Variants in POLQ observed in about 807,000 individuals in gnomAD.
The protein encoded by POLQ is epididymis secretory sperm binding protein.
A neutral mutation model predicts 259.2 loss-of-function variants in POLQ; 233 were observed. The observed-to-expected ratio is 0.90, with a 90% CI of 0.81 to 1.00. POLQ has a LOEUF of 1.00. POLQ is among the 50% of genes least tolerant of loss of function. POLQ has a pLI of 0.00. For missense variants in POLQ, 2,871 were observed against 3,051.6 expected, an observed-to-expected ratio of 0.94 and a Z score of 1.39; for synonymous variants, 1,025 against 1,048.8, an observed-to-expected ratio of 0.98 and a Z score of 0.44.
intron 12 of POLQ, among the ~76,000 whole-genome samples, chr3:121,503,399 T>C (rs912607254): frequency 3.3e-5 from 5 of 152,184 alleles, no homozygotes; most frequent in Non-Finnish European, 1.5e-5. Context: ...TACTAGAATA[T>C]ATTCCCTTCA....
At chr3:121,513,709 C>A (rs867809528) in intron 9 of POLQ, among the ~76,000 whole-genome samples, 6 of 150,956 alleles carry the variant, frequency 4.0e-5, no homozygotes, top group Admixed American at 1.3e-4. Context: ...CTTCTATCTG[C>A]AGACAAGAAC....
chr3:121,454,803 A>G lies in POLQ; in HGVS notation c.7152+5247T>C, dbSNP rs920398716. Among the ~76,000 whole-genome samples the G allele has an allele frequency of 9.6e-4, 146 of 152,232 alleles. 1 individual carries two copies. Among genetic ancestry groups the G allele is most frequent in the Non-Finnish European group, 1.6e-3 (107 of 67,978 alleles). On this transcript the variant is annotated intron_variant, in intron 25 of 29. Coordinates refer to ENST00000264233, the MANE Select transcript of POLQ (RefSeq NM_199420.4). ...TAATGGGAGACTTTAACACCCCACT[A>G]TCAACATTAGACAGATCAACGAGAC...
At chr3:121,465,303 G>A (rs1051194239) in intron 24 of POLQ, among the ~76,000 whole-genome samples, 3 of 151,966 alleles carry the variant, frequency 2.0e-5, no homozygotes, top group Admixed American at 6.6e-5. Flanking sequence ...TGTTGCCCAG[G>A]CTGGTCATGA....
At chr3:121,544,095 C>A (rs1366027213) in intron 2 of POLQ, among the ~76,000 whole-genome samples, 1 of 152,116 alleles carries the variant, frequency 6.6e-6, no homozygotes, top group Non-Finnish European at 1.5e-5. Flanking sequence ...TGACTCACAC[C>A]TATAATCCCA....
At chr3:121,457,079 G>A (rs1238436533) in intron 25 of POLQ, among the ~76,000 whole-genome samples, 22 of 151,986 alleles carry the variant, frequency 1.4e-4, no homozygotes, top group African/African-American at 1.2e-4. Flanking sequence ...AAATAACGCC[G>A]CATATCTACA....
intron 26 of POLQ, among the ~76,000 whole-genome samples, chr3:121,444,415 T>C (rs1472456188): frequency 1.3e-5 from 2 of 152,228 alleles, no homozygotes; most frequent in African/African-American, 4.8e-5. Flanking sequence ...CATATAGAAA[T>C]GCTACTGATG....
At chr3:121,517,919 T>C (rs567984790) in intron 9 of POLQ, among the ~76,000 whole-genome samples, 1 of 152,340 alleles carries the variant, frequency 6.6e-6, no homozygotes, top group Non-Finnish European at 1.5e-5. Context: ...ACTTATTGTA[T>C]TGGTTTTTGT....
rs2048324833 is a variant in POLQ at position 121,519,750 on chromosome 3, T to C, written c.1468+121A>G. 3 of 677,858 alleles carry C rather than the reference T, an allele frequency of 4.4e-6. No homozygotes were observed. In the East Asian group the frequency reaches 7.7e-5, roughly 17 times the overall value. The allele number at this position is 677,858 out of a possible 1,614,324, so 42.0% of individuals were successfully genotyped here. A position where few individuals can be genotyped will look rare whatever the true frequency, so the allele number is the denominator to read the frequency against. On this transcript the variant is annotated intron_variant, in intron 9 of 29. Coordinates refer to ENST00000264233, the MANE Select transcript of POLQ (RefSeq NM_199420.4). ...TTAAGTGAATCCAAAATGATGACAC[T>C]AGTGCATTGGATAATAAAGAAATAC...
intron 4 of POLQ, among the ~76,000 whole-genome samples, chr3:121,537,440 T>C (rs1009338551): frequency 6.6e-6 from 1 of 152,132 alleles, no homozygotes; most frequent in Non-Finnish European, 1.5e-5. Context: ...AAATAGTTAG[T>C]TTTTCAACCC....
At position 121,485,179 on chromosome 3, in the gene POLQ, A is replaced by T; in HGVS notation, c.5635T>A (p.Ser1879Thr). The stretch of plus-strand genomic sequence containing the variant: ...TCTCTAATAGGAATTTCCTGAGGTG[A>T]GCTAGCTAAGTAAAACAAAAGTGAA... Reference protein sequence around the residue: ...TIGSRFKQASSPQEIPIRDDG... With the variant: ...TIGSRFKQASTPQEIPIRDDG... The change falls in exon 17 of 30, where the codon TCA (serine) becomes ACA (threonine). Residue 1879 changes from serine (S) to threonine (T), a missense_variant. Ser to Thr is a moderately conservative substitution (Grantham distance 58, BLOSUM62 1). Coordinates refer to ENST00000264233, the MANE Select transcript of POLQ (RefSeq NM_199420.4). 1.9e-6 allele frequency: 3 copies of T among 1,584,162 alleles called. No homozygotes were observed. The highest frequency in any genetic ancestry group is 2.6e-6 in the Non-Finnish European group (3 of 1,164,756).
In POLQ at chr3:121,529,684, T is replaced by C. The variant is rs752954217; in HGVS notation, c.1069A>G (p.Ile357Val). ...TGTAGATTATAAAACTCTCGAGCAA[T>C]GATATCTGCCAGCTTCTCACACCAT... is the stretch of plus-strand genomic sequence containing the variant. ...KKWCEKLADI[I>V]AREFYNLHHQ... Residue 357 changes from isoleucine (I) to valine (V), a missense_variant, in exon 7 of 30, where the codon ATT (isoleucine) becomes GTT (valine). Around this residue, in one of 3 missense-constraint regions of POLQ, gnomAD observed 783 missense variants for 906.2 expected, o/e 0.86. Coordinates refer to ENST00000264233, the MANE Select transcript of POLQ (RefSeq NM_199420.4). The C allele has an allele frequency of 1.1e-5, 17 of 1,613,552 alleles. No homozygotes were observed. Among genetic ancestry groups the C allele is most frequent in the African/African-American group, 1.3e-5 (1 of 74,920 alleles).
At chr3:121,526,871 C>CTA (rs144360614) in intron 7 of POLQ, among the ~76,000 whole-genome samples, 2 of 145,232 alleles carry the variant, frequency 1.4e-5, no homozygotes, top group African/African-American at 2.7e-5. Flanking sequence ...GTGTGTGTCT[C>CTA]TGTATGTGTG....
At chr3:121,484,740 A>C (rs2047997751) in intron 17 of POLQ, among the ~76,000 whole-genome samples, 1 of 152,022 alleles carries the variant, frequency 6.6e-6, no homozygotes, top group Non-Finnish European at 1.5e-5. Flanking sequence ...GTCTCTACTA[A>C]AAAAATACAA....
intron 26 of POLQ, among the ~76,000 whole-genome samples, chr3:121,440,509 T>C (rs1348505594): frequency 6.6e-6 from 1 of 152,110 alleles, no homozygotes; most frequent in Admixed American, 6.5e-5. Flanking sequence ...ATAATTTTTA[T>C]ATTTTTTGTA....
In POLQ at chr3:121,483,585, T is replaced by TA; in HGVS notation, c.5774-4_5774-3insT. 49 of 1,473,282 alleles carry TA rather than the reference T, an allele frequency of 3.3e-5. No homozygotes were observed. Among genetic ancestry groups the TA allele is most frequent in the South Asian group, 5.8e-5 (4 of 68,428 alleles). 91.3% of individuals were successfully genotyped at this position (1,473,282 alleles called of 1,614,324 possible). A position where few individuals can be genotyped will look rare whatever the true frequency, so the allele number is the denominator to read the frequency against. The stretch of plus-strand genomic sequence containing the variant: ...TGGAACCAAACTGGCACTAATTTCT[T>TA]TAAAAAAAAAAAAAAAAAGGAAAAA... On this transcript the variant is annotated splice_region_variant and splice_polypyrimidine_tract_variant and intron_variant, in intron 17 of 29. Coordinates refer to ENST00000264233, the MANE Select transcript of POLQ (RefSeq NM_199420.4).
Position 121,489,450 on chromosome 3 carries a change from C to T in POLQ, c.3481G>A (p.Val1161Ile), listed in dbSNP as rs1216074540. Residue 1161 changes from valine (V) to isoleucine (I), a missense_variant, in exon 16 of 30, where the codon GTA becomes ATA. Val to Ile is a conservative substitution (Grantham distance 29). Coordinates refer to ENST00000264233, the MANE Select transcript of POLQ (RefSeq NM_199420.4). ...TSVVSEKGRG[V>I]AVEAEKINEV... Reference sequence around the variant, plus strand: ...TTTATTTTTTCTGCCTCAACAGCTACTCCTCTGCCCTTTTCACTAACCACA... The same window carrying T: ...TTTATTTTTTCTGCCTCAACAGCTATTCCTCTGCCCTTTTCACTAACCACA... 2 of 1,613,930 alleles carry T rather than the reference C, an allele frequency of 1.2e-6. No individual in the cohort carries two copies. The highest frequency in any genetic ancestry group is 2.7e-5 in the African/African-American group (2 of 74,922).
chr3:121,526,764 C>T (rs535200955), intron 7 of POLQ, among the ~76,000 whole-genome samples: 1 of 152,244 alleles, frequency 6.6e-6, no homozygotes, highest in African/African-American at 2.4e-5. Flanking sequence ...TTAAATTCTC[C>T]AGCTTTAGAT....
In POLQ at chr3:121,545,806, G is replaced by C. The variant is rs755413512; in HGVS notation, c.72C>G (p.Gly24=). The change falls in exon 1 of 30, where the codon GGC becomes GGG. Residue 24 remains glycine, a synonymous_variant. Coordinates refer to ENST00000264233, the MANE Select transcript of POLQ (RefSeq NM_199420.4). ...ACTGGGGGCTGGCACTGCTGTCACC[G>C]CCGCTTCCCGAGAACGAATCTGAGC... is the stretch of plus-strand genomic sequence containing the variant. ...ESGSDSFSGS[G]GDSSASPQFL... 1 of 1,613,110 alleles carries C rather than the reference G, an allele frequency of 6.2e-7. No individual in the cohort carries two copies. Among genetic ancestry groups the C allele is most frequent in the Non-Finnish European group, 8.5e-7 (1 of 1,179,662 alleles).
At chr3:121,466,224 A>G (rs989827939) in intron 24 of POLQ, among the ~76,000 whole-genome samples, 1 of 151,694 alleles carries the variant, frequency 6.6e-6, no homozygotes, top group African/African-American at 2.4e-5. Context: ...CAGTATGTCA[A>G]TTGCATTTTC....
Sources: allele counts gnomAD v4.1 joint callset (sites outside exome capture counted in the v4.1 genomes callset), GRCh38; gene constraint gnomAD v4.1.1; regional missense constraint gnomAD v4.1.1; transcripts MANE v1.5; gene names NCBI Gene and HGNC (gene_info 2026-07-23, HGNC 2026-07-21).